The following WASL variants were observed in gnomAD, a reference collection of about 807,000 sequenced individuals.
The protein encoded by WASL is actin nucleation-promoting factor WASL.
A neutral mutation model predicts 55.5 loss-of-function variants in WASL; 20 were observed. The ratio of observed to expected loss-of-function variants is 0.36; its 90% confidence interval spans 0.25 to 0.52. The LOEUF (loss-of-function observed/expected upper bound fraction) is 0.52, where lower values mean the gene tolerates loss of function less well. WASL is among the 20% of genes least tolerant of loss of function. The pLI is 0.92. For synonymous variants in WASL, 249 were observed against 217.6 expected, an observed-to-expected ratio of 1.14 and a Z score of -1.27; for missense variants, 504 against 622.5, an observed-to-expected ratio of 0.81 and a Z score of 2.03.
At chr7:123,732,350 T>TA (rs950596466) in intron 1 of WASL, among the ~76,000 whole-genome samples, 2 of 151,492 alleles carry the variant, frequency 1.3e-5, no homozygotes, top group African/African-American at 4.8e-5. Context: ...AAATAAAAAA[T>TA]AAAAATAAAA....
Position 123,692,652 on chromosome 7 carries a change from G to C in WASL, c.1042C>G (p.Pro348Ala). 1 of 1,568,808 alleles carries C rather than the reference G, an allele frequency of 6.4e-7. No homozygotes were observed. Among genetic ancestry groups the C allele is most frequent in the Non-Finnish European group, 8.6e-7 (1 of 1,160,492 alleles). ...GAAGGTGCTGAGGAGGGAAGGGCTG[G>C]AGGTGGAGGAGGGTACATCCTATTT... Reference protein sequence around the residue: ...PPNRMYPPPPPALPSSAPSGP... With the variant: ...PPNRMYPPPPAALPSSAPSGP... The change falls in exon 9 of 11, where the codon CCA becomes GCA. Residue 348 changes from proline (P) to alanine (A), a missense_variant. Pro to Ala is a conservative substitution (Grantham distance 27, BLOSUM62 -1). Coordinates refer to ENST00000223023, the MANE Select transcript of WASL (RefSeq NM_003941.4).
intron 10 of WASL, among the ~76,000 whole-genome samples, chr7:123,686,619 C>T (rs111410809): frequency 6.6e-6 from 1 of 152,034 alleles, no homozygotes; most frequent in African/African-American, 2.4e-5. Context: ...GCAGAACTCA[C>T]AGATACCAGC....
chr7:123,689,862 A>G (rs1803370470), intron 9 of WASL, among the ~76,000 whole-genome samples: 1 of 150,842 alleles, frequency 6.6e-6, no homozygotes, highest in Admixed American at 6.6e-5. Flanking sequence ...TACATATATA[A>G]TATATATTTT....
rs201098513 is a variant in WASL at position 123,739,914 on chromosome 7, GTATATA to G, written c.117+8698_117+8703del. Among the ~76,000 whole-genome samples the G allele has an allele frequency of 3.5e-3, 117 of 33,094 alleles. No individual in the cohort carries two copies. In the East Asian group the frequency reaches 0.036, roughly 10 times the overall value. 21.7% of individuals were successfully genotyped at this position (33,094 alleles called of 152,430 possible). A position where few individuals can be genotyped will look rare whatever the true frequency, so the allele number is the denominator to read the frequency against. Reference sequence around the variant, plus strand: ...TGTGTGTGTGTGTGTGTGTGTGTGTGTATATATATATATATATGCTGGTTTGCAGCA... The same window carrying G: ...TGTGTGTGTGTGTGTGTGTGTGTGTGTATATATATATGCTGGTTTGCAGCA... On this transcript the variant is annotated intron_variant, in intron 1 of 10. Transcript: ENST00000223023.
Position 123,728,401 on chromosome 7 carries a change from T to C in WASL, c.118-19178A>G, listed in dbSNP as rs201710678. Among the ~76,000 whole-genome samples, 12 of 152,312 alleles carry C rather than the reference T, an allele frequency of 7.9e-5. No individual in the cohort carries two copies. In the East Asian group the frequency reaches 2.3e-3, roughly 29 times the overall value. On this transcript the variant is annotated intron_variant, in intron 1 of 10. Transcript: ENST00000223023. ...CTGGTGAAGACAGATGAAGAGCATG[T>C]GTGTGTGGCCTGCTATATTAGGGAG...
rs146373250 is a variant in WASL at position 123,693,794 on chromosome 7, C to T, written c.826+921G>A. 2.5e-3 allele frequency among the ~76,000 whole-genome samples: 379 copies of T among 152,226 alleles called. 3 individuals are homozygous for T. The highest frequency in any genetic ancestry group is 8.5e-3 in the African/African-American group (351 of 41,516). ...CAACCTGGCTAACATGGAAAAACCC[C>T]GTTTCTATTAAAAATATAAAAATTA... On this transcript the variant is annotated intron_variant, in intron 8 of 10. Coordinates refer to ENST00000223023, the MANE Select transcript of WASL (RefSeq NM_003941.4).
chr7:123,726,228 G>T (rs1804037249), intron 1 of WASL, among the ~76,000 whole-genome samples: 1 of 152,086 alleles, frequency 6.6e-6, no homozygotes, highest in African/African-American at 2.4e-5. Context: ...ATTAAAAAGG[G>T]TTCCAAGTCA....
At chr7:123,696,472 T>C (rs1803494223) in intron 6 of WASL, 107 bp downstream of exon 6, 1 of 1,154,502 alleles carries the variant, frequency 8.7e-7, no homozygotes, top group Non-Finnish European at 1.1e-6. Flanking sequence ...GTGATGAATG[T>C]ACACACCCTC....
chr7:123,712,915 A>T (rs1253792967), intron 1 of WASL, among the ~76,000 whole-genome samples: 1 of 152,176 alleles, frequency 6.6e-6, no homozygotes, highest in Non-Finnish European at 1.5e-5. Flanking sequence ...ATTATGTAAC[A>T]GGTCAGAATA....
intron 1 of WASL, among the ~76,000 whole-genome samples, chr7:123,740,061 T>C (rs1383232391): frequency 6.6e-6 from 1 of 152,166 alleles, no homozygotes; most frequent in Admixed American, 6.5e-5. Context: ...GAGGGTGTTA[T>C]GTGCTTAGTA....
At chr7:123,708,756 T>C (rs891941958) in intron 2 of WASL, among the ~76,000 whole-genome samples, 6 of 150,660 alleles carry the variant, frequency 4.0e-5, no homozygotes, top group Non-Finnish European at 7.4e-5. Flanking sequence ...TATTCTATAA[T>C]GAACCAGGTG....
In WASL at chr7:123,683,528, G is replaced by A. The variant is rs999641879; in HGVS notation, c.*991C>T. The A allele has an allele frequency of 1.3e-5, 2 of 151,708 alleles. No individual in the cohort carries two copies. Among genetic ancestry groups the A allele is most frequent in the African/African-American group, 2.4e-5 (1 of 41,286 alleles). The allele number at this position is 151,708 out of a possible 1,614,324, so 9.4% of individuals were successfully genotyped here. On this transcript the variant is annotated 3_prime_UTR_variant, in exon 11 of 11. Transcript: ENST00000223023. The stretch of plus-strand genomic sequence containing the variant: ...TGCATGTTCGGTTCCGTGTTTTAGC[G>A]CACACCTTTGCCAACTAGATTACAT...
chr7:123,720,442 T>C (rs936005921), intron 1 of WASL: 14 of 419,870 alleles, frequency 3.3e-5, no homozygotes, highest in African/African-American at 4.2e-5. Flanking sequence ...AAGGGTAGCA[T>C]ATACTAACGT....
At chr7:123,729,690 C>T (rs1275342793) in intron 1 of WASL, among the ~76,000 whole-genome samples, 1 of 152,120 alleles carries the variant, frequency 6.6e-6, no homozygotes, top group Non-Finnish European at 1.5e-5. Context: ...CACATGAAGC[C>T]AATTTCTAAT....
At chr7:123,717,260 G>A (rs750888851) in intron 1 of WASL, among the ~76,000 whole-genome samples, 1 of 152,132 alleles carries the variant, frequency 6.6e-6, no homozygotes, top group Non-Finnish European at 1.5e-5. Context: ...GGGGAAAAGA[G>A]GTGAACTTAC....
intron 1 of WASL, among the ~76,000 whole-genome samples, chr7:123,737,728 A>G (rs1804261674): frequency 6.6e-6 from 1 of 152,156 alleles, no homozygotes. Context: ...ATTCACTTCC[A>G]GAAAGATTAA....
intron 1 of WASL, among the ~76,000 whole-genome samples, chr7:123,743,154 T>C (rs1041677082): frequency 6.6e-6 from 1 of 152,016 alleles, no homozygotes; most frequent in Non-Finnish European, 1.5e-5. Context: ...CTGGCCAGCA[T>C]GGTGAAACCC....
chr7:123,729,759 A>G (rs1462997440), intron 1 of WASL, among the ~76,000 whole-genome samples: 3 of 152,218 alleles, frequency 2.0e-5, no homozygotes, highest in Non-Finnish European at 4.4e-5. Context: ...CGACTATTCT[A>G]TGAGCATTAC....
chr7:123,715,712 C>T (rs958956323), intron 1 of WASL, among the ~76,000 whole-genome samples: 1 of 152,228 alleles, frequency 6.6e-6, no homozygotes, highest in African/African-American at 2.4e-5. Context: ...GTGTGCTACA[C>T]AGCAGGCTTA....
Sources: allele counts gnomAD v4.1 joint callset (sites outside exome capture counted in the v4.1 genomes callset), GRCh38; gene constraint gnomAD v4.1.1; transcripts MANE v1.5; gene names NCBI Gene and HGNC (gene_info 2026-07-23, HGNC 2026-07-21).